Variants in ZNF521 observed in about 807,000 individuals in gnomAD.
The protein encoded by ZNF521 is zinc finger protein 521.
A neutral mutation model predicts 105.5 loss-of-function variants in ZNF521; 14 were observed. The observed-to-expected ratio is 0.13, with a 90% confidence interval of 0.09 to 0.21. The LOEUF is 0.21. ZNF521 is among the 10% of genes least tolerant of loss of function. The pLI is 1.00. For missense variants in ZNF521, 1,233 were observed against 1,629.7 expected (o/e 0.76, Z 4.19); for synonymous variants, 635 against 606.0 (o/e 1.05, Z -0.70).
chr18:25,076,588 A>G (rs2033367643), intron 7 of ZNF521, among the ~76,000 whole-genome samples: 1 of 152,200 alleles, frequency 6.6e-6, no homozygotes, highest in African/African-American at 2.4e-5. Flanking sequence ...CATGAATACA[A>G]TCGAGCTAAT....
At chr18:25,298,533 C>T (rs2074751978) in intron 3 of ZNF521, among the ~76,000 whole-genome samples, 1 of 152,128 alleles carries the variant, frequency 6.6e-6, no homozygotes, top group African/African-American at 2.4e-5. Flanking sequence ...AAGCAGACCA[C>T]CACTCTATCC....
At chr18:25,144,089 G>A (rs2034900133) in intron 5 of ZNF521, among the ~76,000 whole-genome samples, 1 of 152,102 alleles carries the variant, frequency 6.6e-6, no homozygotes, top group Non-Finnish European at 1.5e-5. Flanking sequence ...GGTATCTAGA[G>A]GTTTGTTAAT....
At chr18:25,270,679 A>T (rs1425312871) in intron 3 of ZNF521, among the ~76,000 whole-genome samples, 2 of 152,172 alleles carry the variant, frequency 1.3e-5, no homozygotes, top group African/African-American at 4.8e-5. Context: ...CAAAAACCAC[A>T]TGATTATCTC....
intron 5 of ZNF521, among the ~76,000 whole-genome samples, chr18:25,149,771 G>C (rs555166015): frequency 6.6e-6 from 1 of 152,162 alleles, no homozygotes; most frequent in Non-Finnish European, 1.5e-5. Flanking sequence ...TCTTGTAGTA[G>C]TTCATAATGG....
chr18:25,272,682 T>C (rs1213696514), intron 3 of ZNF521, among the ~76,000 whole-genome samples: 2 of 151,906 alleles, frequency 1.3e-5, no homozygotes, highest in Admixed American at 1.3e-4. Flanking sequence ...AAACACTGCA[T>C]GTTATCAGTC....
chr18:25,149,110 C>A (rs2034999151), intron 5 of ZNF521, among the ~76,000 whole-genome samples: 1 of 152,150 alleles, frequency 6.6e-6, no homozygotes, highest in African/African-American at 2.4e-5. Context: ...CAAATATAGT[C>A]TGCTGTCTTG....
chr18:25,217,380 G>C (rs1905395522), intron 4 of ZNF521, among the ~76,000 whole-genome samples: 1 of 152,190 alleles, frequency 6.6e-6, no homozygotes. Flanking sequence ...AGCATTCATT[G>C]ATGGATTAAA....
At chr18:25,187,917 T>C (rs558559253) in intron 5 of ZNF521, among the ~76,000 whole-genome samples, 7 of 152,186 alleles carry the variant, frequency 4.6e-5, no homozygotes, top group Non-Finnish European at 8.8e-5. Flanking sequence ...CTCCAATTTG[T>C]TGGCTTTTGA....
chr18:25,118,640 G>T (rs2034375075), intron 5 of ZNF521, among the ~76,000 whole-genome samples: 1 of 151,750 alleles, frequency 6.6e-6, no homozygotes, highest in African/African-American at 2.4e-5. Context: ...TAAGGCAAAG[G>T]GATATAGCTG....
At chr18:25,237,315 T>A (rs1354998379) in intron 3 of ZNF521, among the ~76,000 whole-genome samples, 2 of 152,202 alleles carry the variant, frequency 1.3e-5, no homozygotes, top group African/African-American at 4.8e-5. Context: ...ATTTGACACT[T>A]AATAGGACTA....
intron 3 of ZNF521, among the ~76,000 whole-genome samples, chr18:25,307,295 C>G (rs1441029763): frequency 6.6e-6 from 1 of 152,148 alleles, no homozygotes; most frequent in Non-Finnish European, 1.5e-5. Flanking sequence ...TGCATAAAAT[C>G]TTTGATGGTT....
At chr18:25,223,843 C>T (rs75148549) in intron 4 of ZNF521, among the ~76,000 whole-genome samples, 2,105 of 152,188 alleles carry the variant, frequency 0.014, 51 homozygotes, top group African/African-American at 0.048. Context: ...TTCCTCTCTA[C>T]CCAGAAGACA....
At chr18:25,126,971 A>T (rs2034550039) in intron 5 of ZNF521, among the ~76,000 whole-genome samples, 1 of 152,112 alleles carries the variant, frequency 6.6e-6, no homozygotes, top group Non-Finnish European at 1.5e-5. Context: ...GGTCTGTGCC[A>T]GATCTAAAAA....
In ZNF521 at chr18:25,068,607, C is replaced by T. The variant is rs928866767; in HGVS notation, c.3907-5866G>A. 5.9e-5 allele frequency among the ~76,000 whole-genome samples: 9 copies of T among 152,070 alleles called. No homozygotes were observed. The East Asian group carries it at 1.5e-3, about 26-fold the overall frequency. On this transcript the variant is annotated intron_variant, in intron 7 of 7. Transcript: ENST00000361524. ...GACCCATTAAGGTCACCCCTGTGCTCGGGCATATAGCTGACTTAGGAAATG... is the reference window on the plus strand; with the variant it reads ...GACCCATTAAGGTCACCCCTGTGCTTGGGCATATAGCTGACTTAGGAAATG...
At chr18:25,140,421 CG>C (rs2034825072) in intron 5 of ZNF521, among the ~76,000 whole-genome samples, 1 of 152,154 alleles carries the variant, frequency 6.6e-6, no homozygotes, top group Admixed American at 6.5e-5. Flanking sequence ...TGTGCAATGA[CG>C]GCAGGAAATC....
chr18:25,292,386 T>C (rs1382591866), intron 3 of ZNF521, among the ~76,000 whole-genome samples: 4 of 152,236 alleles, frequency 2.6e-5, no homozygotes. Flanking sequence ...ATGAGTTGCC[T>C]TAATGTCAGG....
At chr18:25,075,080 T>C (rs753714067) in intron 7 of ZNF521, among the ~76,000 whole-genome samples, 3 of 152,120 alleles carry the variant, frequency 2.0e-5, no homozygotes, top group Non-Finnish European at 4.4e-5. Flanking sequence ...TGCAAACTCA[T>C]GCAAATTCAA....
chr18:25,330,137 G>T (rs1913479764), intron 2 of ZNF521, among the ~76,000 whole-genome samples: 1 of 151,960 alleles, frequency 6.6e-6, no homozygotes, highest in Non-Finnish European at 1.5e-5. Context: ...GAAAAACTGG[G>T]CAGAAAAATC....
intron 5 of ZNF521, among the ~76,000 whole-genome samples, chr18:25,095,153 G>A (rs1398284226): frequency 6.6e-6 from 1 of 151,958 alleles, no homozygotes; most frequent in Non-Finnish European, 1.5e-5. Context: ...TCCCCTATCT[G>A]GTATAAGGTA....
Sources: gnomAD v4.1 joint callset for allele counts (sites outside exome capture counted in the v4.1 genomes callset) on GRCh38, gnomAD v4.1.1 for gene constraint, MANE v1.5 for transcripts, NCBI Gene and HGNC (gene_info 2026-07-23, HGNC 2026-07-21) for gene names.